Variants in PLXNA4 observed in about 807,000 individuals in gnomAD.
The protein encoded by PLXNA4 is plexin-A4.
In PLXNA4, 44 loss-of-function variants were observed where a neutral mutation model predicts 191.8. The ratio of observed to expected loss-of-function variants is 0.23; its 90% confidence interval spans 0.18 to 0.29. The LOEUF is 0.29. Among genes scored for constraint, PLXNA4 ranks in the 10% least tolerant of loss-of-function variants. The pLI is 1.00. For missense variants in PLXNA4, 1,800 were observed against 2,488.8 expected (o/e 0.72, Z 5.89); for synonymous variants, 1,082 against 1,009.5 (o/e 1.07, Z -1.36).
intron 5 of PLXNA4, among the ~76,000 whole-genome samples, chr7:132,239,188 G>T (rs1430983211): frequency 6.6e-6 from 1 of 152,188 alleles, no homozygotes; most frequent in Non-Finnish European, 1.5e-5. Flanking sequence ...CAGGAGGCAG[G>T]TATGATGTTA....
At chr7:132,344,053 A>T (rs1468417324) in intron 3 of PLXNA4, among the ~76,000 whole-genome samples, 1 of 152,172 alleles carries the variant, frequency 6.6e-6, no homozygotes, top group Non-Finnish European at 1.5e-5. Context: ...TGCCCCTAGT[A>T]CCCAATGGCC....
intron 29 of PLXNA4, among the ~76,000 whole-genome samples, chr7:132,141,265 G>A (rs575620622): frequency 1.3e-5 from 2 of 152,286 alleles, no homozygotes; most frequent in East Asian, 3.9e-4. Flanking sequence ...GCCATCTACT[G>A]TATGACTTGG....
At chr7:132,198,389 A>G in intron 13 of PLXNA4, 96 bp downstream of exon 13, 1 of 1,484,874 alleles carries the variant, frequency 6.7e-7, no homozygotes, top group Non-Finnish European at 9.0e-7. Flanking sequence ...CCCCCACAAC[A>G]AGCTCTGAGA....
At chr7:132,638,741 C>T (rs1320707991) in intron 2 of PLXNA4, among the ~76,000 whole-genome samples, 1 of 152,004 alleles carries the variant, frequency 6.6e-6, no homozygotes, top group Admixed American at 6.6e-5. Flanking sequence ...CCCTTTTTAC[C>T]CTGATCACAT....
In PLXNA4 at chr7:132,181,332, C is replaced by T. The variant is rs750460711; in HGVS notation, c.3492+49G>A. The T allele has an allele frequency of 1.1e-5, 17 of 1,608,302 alleles. No homozygotes were observed. The South Asian group carries it at 1.9e-4, about 18-fold the overall frequency. ...TGTGACTTGAACACCCCCTTCCATG[C>T]AGCAGCCCCTTCTTTTCCCACCCCC... On this transcript the variant is annotated intron_variant, in intron 18 of 31. Transcript: ENST00000321063.
At chr7:132,396,751 C>T (rs910765447) in intron 3 of PLXNA4, among the ~76,000 whole-genome samples, 3 of 152,238 alleles carry the variant, frequency 2.0e-5, no homozygotes, top group Non-Finnish European at 4.4e-5. Context: ...CTCAGTCTCC[C>T]AGTGTGCTGG....
chr7:132,267,005 A>G (rs983106689), intron 4 of PLXNA4, among the ~76,000 whole-genome samples: 1 of 152,162 alleles, frequency 6.6e-6, no homozygotes, highest in East Asian at 1.9e-4. Context: ...GCAGCAGACC[A>G]TATACAGAGG....
At chr7:132,573,654 G>GGCACAGAGA (rs939264584) in intron 1 of PLXNA4, among the ~76,000 whole-genome samples, 185 of 98,502 alleles carry the variant, frequency 1.9e-3, no homozygotes, top group Non-Finnish European at 4.0e-3. Flanking sequence ...AAGGCACAGA[G>GGCACAGAGA]AAGGAGAAAG....
At chr7:132,271,884 A>G (rs1201434209) in intron 4 of PLXNA4, among the ~76,000 whole-genome samples, 2 of 152,256 alleles carry the variant, frequency 1.3e-5, no homozygotes, top group African/African-American at 4.8e-5. Context: ...GTAAAAGGAA[A>G]GAAAGAAAAC....
At chr7:132,384,426 G>T in intron 3 of PLXNA4, 1 of 985,498 alleles carries the variant, frequency 1.0e-6, no homozygotes, top group Non-Finnish European at 1.2e-6. Context: ...CCTCCCCACC[G>T]GCTCTATGGG....
rs1794855524 is a variant in PLXNA4 at position 132,129,051 on chromosome 7, G to A, written c.*1428C>T. 6.6e-6 allele frequency: 1 copy of A among 152,234 alleles called. No individual in the cohort carries two copies. Among genetic ancestry groups the A allele is most frequent in the Non-Finnish European group, 1.5e-5 (1 of 68,062 alleles). 9.4% of individuals were successfully genotyped at this position (152,234 alleles called of 1,614,324 possible). ...CCTGCCTGGCTAAAATCGTGCATCT[G>A]TAGATGTAAGAACAGATGGGGAGAT... On this transcript the variant is annotated 3_prime_UTR_variant, in exon 32 of 32. Transcript: ENST00000321063.
chr7:132,181,657 T>C, intron 17 of PLXNA4, 37 bp from the exon 18 acceptor site: 1 of 1,608,576 alleles, frequency 6.2e-7, no homozygotes, highest in Non-Finnish European at 8.5e-7. Context: ...CTATGCAGTA[T>C]CTCCACATAC....
intron 2 of PLXNA4, among the ~76,000 whole-genome samples, chr7:132,610,082 G>T (rs9986954): frequency 0.83 from 125,834 of 152,146 alleles, 54,168 homozygotes; most frequent in Non-Finnish European, 0.97. Context: ...TCCTTTAGAT[G>T]AGTTTATCCT....
At chr7:132,546,018 G>A (rs775895514) in intron 1 of PLXNA4, among the ~76,000 whole-genome samples, 2 of 152,242 alleles carry the variant, frequency 1.3e-5, no homozygotes, top group East Asian at 3.9e-4. Flanking sequence ...TCATTAGTGA[G>A]TCCAACAGGG....
At chr7:132,484,800 A>C (rs1185653543) in intron 3 of PLXNA4, 3 of 1,613,528 alleles carry the variant, frequency 1.9e-6, no homozygotes, top group East Asian at 2.2e-5. Flanking sequence ...AGTGGATTCA[A>C]ATTTCCAGAG....
At chr7:132,394,734 G>A (rs1281828297) in intron 3 of PLXNA4, among the ~76,000 whole-genome samples, 5 of 152,226 alleles carry the variant, frequency 3.3e-5, no homozygotes, top group African/African-American at 1.2e-4. Context: ...GAGAATCTAT[G>A]AAGAACCTTT....
At chr7:132,134,295 C>T (rs558868611) in intron 30 of PLXNA4, among the ~76,000 whole-genome samples, 1 of 152,324 alleles carries the variant, frequency 6.6e-6, no homozygotes, top group South Asian at 2.1e-4. Context: ...ACTTCTCCAA[C>T]CAGGACCCTG....
intron 1 of PLXNA4, among the ~76,000 whole-genome samples, chr7:132,525,214 G>A (rs1799351775): frequency 6.6e-6 from 1 of 152,120 alleles, no homozygotes; most frequent in Non-Finnish European, 1.5e-5. Flanking sequence ...ATGTCCTCAA[G>A]GTTCATTCAT....
intron 2 of PLXNA4, among the ~76,000 whole-genome samples, chr7:132,643,873 G>A (rs1342676714): frequency 6.6e-6 from 1 of 152,016 alleles, no homozygotes; most frequent in Non-Finnish European, 1.5e-5. Flanking sequence ...GATCGCTTGA[G>A]CCCAGGAGTT....
Sources: allele counts gnomAD v4.1 joint callset (sites outside exome capture counted in the v4.1 genomes callset), GRCh38; gene constraint gnomAD v4.1.1; transcripts MANE v1.5; gene names NCBI Gene and HGNC (gene_info 2026-07-23, HGNC 2026-07-21).